PITPNC1: variants seen among roughly 807,000 people sequenced by gnomAD.
The protein encoded by PITPNC1 is cytoplasmic phosphatidylinositol transfer protein 1.
PITPNC1 carries 18 observed loss-of-function variants against 44.7 expected under a neutral mutation model. The ratio of observed to expected loss-of-function variants is 0.40; its 90% CI spans 0.28 to 0.60. The LOEUF (loss-of-function observed/expected upper bound fraction) is 0.60, where lower values mean the gene tolerates loss of function less well. Ranked by LOEUF, PITPNC1 falls within the 20% of genes least tolerant of loss-of-function variation. The pLI, the probability that PITPNC1 is intolerant of heterozygous loss-of-function variation, is 0.39. For missense variants in PITPNC1, 290 were observed against 418.4 expected, an observed-to-expected ratio of 0.69 and a Z score of 2.68; for synonymous variants, 141 against 149.6, an observed-to-expected ratio of 0.94 and a Z score of 0.42.
chr17:67,502,473 C>G (rs1035567616), intron 1 of PITPNC1, among the ~76,000 whole-genome samples: 1 of 152,068 alleles, frequency 6.6e-6, no homozygotes, highest in Admixed American at 6.6e-5. Flanking sequence ...ATTTAAGGAA[C>G]GGGTTGGCCC....
chr17:67,683,848 C>T (rs2042759419), intron 8 of PITPNC1, among the ~76,000 whole-genome samples: 1 of 151,428 alleles, frequency 6.6e-6, no homozygotes, highest in Admixed American at 6.6e-5. Flanking sequence ...CGTGGTGGCA[C>T]ACACCAGTAA....
At chr17:67,411,517 G>C (rs1302194686) in intron 1 of PITPNC1, among the ~76,000 whole-genome samples, 2 of 152,066 alleles carry the variant, frequency 1.3e-5, no homozygotes, top group Non-Finnish European at 2.9e-5. Flanking sequence ...CCCAGGGACA[G>C]AATGCCACTT....
chr17:67,406,926 A>G (rs2038409944), intron 1 of PITPNC1, among the ~76,000 whole-genome samples: 2 of 152,236 alleles, frequency 1.3e-5, no homozygotes, highest in South Asian at 4.1e-4. Flanking sequence ...ATATACATAT[A>G]TATTTCGGAC....
intron 1 of PITPNC1, among the ~76,000 whole-genome samples, chr17:67,527,341 C>A (rs1474472881): frequency 2.0e-5 from 3 of 152,204 alleles, no homozygotes; most frequent in South Asian, 2.1e-4. Flanking sequence ...AACATACAGT[C>A]TTCAACCTGT....
chr17:67,387,391 C>T (rs2038070936), intron 1 of PITPNC1, among the ~76,000 whole-genome samples: 1 of 152,214 alleles, frequency 6.6e-6, no homozygotes, highest in African/African-American at 2.4e-5. Flanking sequence ...TCTGGCCAGG[C>T]ACAGCGGCTC....
intron 4 of PITPNC1, among the ~76,000 whole-genome samples, chr17:67,562,657 A>G (rs575960230): frequency 6.7e-6 from 1 of 149,928 alleles, no homozygotes; most frequent in Admixed American, 6.6e-5. Flanking sequence ...CTAAAGTCAT[A>G]CGTAACCCTC....
intron 1 of PITPNC1, among the ~76,000 whole-genome samples, chr17:67,436,915 T>G (rs1216843215): frequency 5.0e-5 from 6 of 121,046 alleles, no homozygotes; most frequent in Non-Finnish European, 7.1e-5. Flanking sequence ...GGTGTTTTTT[T>G]TTTTTTTTTT....
chr17:67,647,464 G>GTTTTTTTTGTTTTTTT (rs2042162118), intron 6 of PITPNC1, among the ~76,000 whole-genome samples: 4 of 72,324 alleles, frequency 5.5e-5, no homozygotes, highest in African/African-American at 1.8e-4. Context: ...CTAATTTTGG[G>GTTTTTTTTGTTTTTTT]TTTTTTTTTT....
intron 1 of PITPNC1, among the ~76,000 whole-genome samples, chr17:67,516,607 C>T (rs190547053): frequency 1.7e-3 from 257 of 152,150 alleles, no homozygotes; most frequent in Middle Eastern, 3.4e-3. Context: ...CAGGCAGTGA[C>T]CTCCCCGTTC....
intron 2 of PITPNC1, among the ~76,000 whole-genome samples, chr17:67,546,805 C>T (rs2040691553): frequency 6.6e-6 from 1 of 152,190 alleles, no homozygotes; most frequent in African/African-American, 2.4e-5. Flanking sequence ...TTGCCTCCCA[C>T]AGCTGATAAC....
At position 67,692,684 on chromosome 17, in the gene PITPNC1, T is replaced by G; in HGVS notation, c.795T>G (p.Pro265=). Residue 265 remains proline (P), a synonymous_variant, in exon 9 of 9, where the codon CCT becomes CCG. Transcript: ENST00000581322. The part of the protein sequence containing the change: ...AISISSIPLL[P]SSVRSAPSSA... ...CTATCTCCAGCATCCCCCTGCTGCC[T>G]TCTTCCGTCCGCAGTGCGCCTTCTA... is the stretch of plus-strand genomic sequence containing the variant. The G allele has an allele frequency of 6.2e-7, 1 of 1,613,782 alleles. No homozygotes were observed. The highest frequency in any genetic ancestry group is 8.5e-7 in the Non-Finnish European group (1 of 1,179,714).
intron 4 of PITPNC1, among the ~76,000 whole-genome samples, chr17:67,573,680 A>C (rs1385892897): frequency 1.4e-5 from 2 of 146,796 alleles, no homozygotes; most frequent in Non-Finnish European, 3.0e-5. Flanking sequence ...CTTCCCGCTC[A>C]GCCTCCCGAG....
In PITPNC1 at chr17:67,436,093, A is replaced by G. The variant is rs540922299; in HGVS notation, c.48+57891A>G. Among the ~76,000 whole-genome samples the G allele has an allele frequency of 2.3e-3, 348 of 152,086 alleles. 3 individuals carry two copies. Among genetic ancestry groups the G allele is most frequent in the Non-Finnish European group, 1.8e-3 (122 of 68,002 alleles). On this transcript the variant is annotated intron_variant, in intron 1 of 8. Coordinates refer to ENST00000581322, the MANE Select transcript of PITPNC1 (RefSeq NM_012417.4). The stretch of plus-strand genomic sequence containing the variant: ...CTGCAGCCTCCAATTCCTGGGCTCA[A>G]GGGATCCTCCTGCTTCAGCCTCCCA...
At chr17:67,447,450 C>T (rs2039114654) in intron 1 of PITPNC1, among the ~76,000 whole-genome samples, 1 of 151,980 alleles carries the variant, frequency 6.6e-6, no homozygotes, top group Non-Finnish European at 1.5e-5. Context: ...GTCTCTCTCT[C>T]TTTTTTAATG....
chr17:67,447,245 G>T (rs1271346346), intron 1 of PITPNC1, among the ~76,000 whole-genome samples: 1 of 151,916 alleles, frequency 6.6e-6, no homozygotes, highest in Non-Finnish European at 1.5e-5. Context: ...TCCTTGGAAT[G>T]CAGGCCACCT....
Position 67,692,937 on chromosome 17 carries a change from G to GTTGT in PITPNC1, c.*51_*52insGTTT, listed in dbSNP as rs1555585618. ...TTTTATATTTTCATTTGTTGTTGTT[G>GTTGT]TTTTTTTTTAAGAATCTTCTGATAG... On this transcript the variant is annotated 3_prime_UTR_variant, in exon 9 of 9. Coordinates refer to ENST00000581322, the MANE Select transcript of PITPNC1 (RefSeq NM_012417.4). 2.7e-6 allele frequency: 3 copies of GTTGT among 1,111,728 alleles called. No individual in the cohort carries two copies. In the Admixed American group the frequency reaches 6.9e-5, roughly 25 times the overall value. 68.9% of individuals were successfully genotyped at this position (1,111,728 alleles called of 1,614,324 possible). A position where few individuals can be genotyped will look rare whatever the true frequency, so the allele number is the denominator to read the frequency against.
At chr17:67,647,281 T>C (rs575018710) in intron 6 of PITPNC1, among the ~76,000 whole-genome samples, 2 of 152,078 alleles carry the variant, frequency 1.3e-5, no homozygotes, top group African/African-American at 4.8e-5. Context: ...CATTAGAGAA[T>C]AGAAACCTTT....
intron 1 of PITPNC1, among the ~76,000 whole-genome samples, chr17:67,387,908 T>C (rs1346886414): frequency 6.6e-6 from 1 of 152,192 alleles, no homozygotes; most frequent in Non-Finnish European, 1.5e-5. Context: ...AGGTGTGTAT[T>C]TTCCGTGGAC....
At chr17:67,425,648 A>G (rs1398073421) in intron 1 of PITPNC1, among the ~76,000 whole-genome samples, 2 of 151,544 alleles carry the variant, frequency 1.3e-5, no homozygotes, top group Non-Finnish European at 2.9e-5. Flanking sequence ...CCACCTCCCA[A>G]GTAGCTGGGA....
Sources: allele counts gnomAD v4.1 joint callset (sites outside exome capture counted in the v4.1 genomes callset), GRCh38; gene constraint gnomAD v4.1.1; transcripts MANE v1.5; gene names NCBI Gene and HGNC (gene_info 2026-07-23, HGNC 2026-07-21).